Variants in TRDN observed in about 807,000 individuals in gnomAD.
The protein encoded by TRDN is triadin in skeletal muscle.
TRDN carries 161 observed loss-of-function variants against 149.7 expected under a neutral mutation model. That is an observed-to-expected ratio of 1.08 (90% CI 0.95 to 1.23). The LOEUF (loss-of-function observed/expected upper bound fraction) is 1.23. Among genes scored for constraint, TRDN ranks in the 50% most tolerant of loss-of-function variants. The pLI is 0.00. For synonymous variants in TRDN, 294 were observed against 250.5 expected (o/e 1.17, Z -1.64); for missense variants, 896 against 823.5 (o/e 1.09, Z -1.08).
At chr6:123,588,287 T>C (rs1783606665) in intron 1 of TRDN, among the ~76,000 whole-genome samples, 1 of 152,188 alleles carries the variant, frequency 6.6e-6, no homozygotes, top group African/African-American at 2.4e-5. Flanking sequence ...CATGATGCTA[T>C]ACTAGTCAAG....
intron 12 of TRDN, among the ~76,000 whole-genome samples, chr6:123,409,680 T>C (rs1401648013): frequency 7.9e-6 from 1 of 126,616 alleles, no homozygotes; most frequent in Admixed American, 9.2e-5. Context: ...TTAAAACAGA[T>C]AATGTAATTT....
At chr6:123,408,488 G>A (rs766951378) in intron 12 of TRDN, among the ~76,000 whole-genome samples, 5 of 151,968 alleles carry the variant, frequency 3.3e-5, no homozygotes, top group African/African-American at 4.8e-5. Flanking sequence ...GACCAGCCTG[G>A]TCAACATGGA....
intron 4 of TRDN, among the ~76,000 whole-genome samples, chr6:123,540,646 G>C (rs888689932): frequency 6.6e-6 from 1 of 152,158 alleles, no homozygotes; most frequent in Admixed American, 6.6e-5. Flanking sequence ...CAGCCTCCGA[G>C]TAGCTGGGAC....
chr6:123,508,034 G>A (rs1436032528), intron 7 of TRDN, among the ~76,000 whole-genome samples: 1 of 151,324 alleles, frequency 6.6e-6, no homozygotes, highest in Non-Finnish European at 1.5e-5. Flanking sequence ...TTCCTCTATG[G>A]AAGCTGTGGA....
chr6:123,582,801 A>C (rs937786576), intron 1 of TRDN, among the ~76,000 whole-genome samples: 1 of 151,724 alleles, frequency 6.6e-6, no homozygotes, highest in African/African-American at 2.4e-5. Flanking sequence ...GACAGCAAAA[A>C]TTTTGGGGGA....
chr6:123,385,010 T>C (rs1405022962), intron 14 of TRDN, among the ~76,000 whole-genome samples: 3 of 152,186 alleles, frequency 2.0e-5, no homozygotes, highest in Admixed American at 6.5e-5. Flanking sequence ...TTAAGAACAT[T>C]GAGGCTCCCA....
chr6:123,502,033 C>T (rs1778722435), intron 8 of TRDN: 2 of 983,680 alleles, frequency 2.0e-6, no homozygotes, highest in African/African-American at 3.5e-5. Flanking sequence ...AGTATTTTGA[C>T]ATTTCCAAAT....
At chr6:123,537,088 A>G in intron 4 of TRDN, among the ~76,000 whole-genome samples, 1 of 152,300 alleles carries the variant, frequency 6.6e-6, no homozygotes, top group Middle Eastern at 3.4e-3. Flanking sequence ...GATAAACTAT[A>G]AGTAAGTATA....
intron 10 of TRDN, among the ~76,000 whole-genome samples, chr6:123,452,426 T>A (rs7753755): frequency 0.15 from 22,923 of 151,854 alleles, 2,239 homozygotes; most frequent in African/African-American, 0.28. Context: ...AATGTACACA[T>A]ATCAGCAGTT....
At chr6:123,278,836 A>G (rs1413600422) in intron 25 of TRDN, among the ~76,000 whole-genome samples, 2 of 152,196 alleles carry the variant, frequency 1.3e-5, no homozygotes, top group African/African-American at 4.8e-5. Flanking sequence ...GTAAGGAAAG[A>G]TGCTTCCAGT....
At chr6:123,332,663 A>G (rs1779705960) in intron 22 of TRDN, among the ~76,000 whole-genome samples, 1 of 152,098 alleles carries the variant, frequency 6.6e-6, no homozygotes, top group South Asian at 2.1e-4. Flanking sequence ...CTGCAACATT[A>G]ATGCTCAATA....
intron 20 of TRDN, among the ~76,000 whole-genome samples, chr6:123,359,917 G>A: frequency 6.6e-6 from 1 of 151,982 alleles, no homozygotes; most frequent in East Asian, 1.9e-4. Flanking sequence ...GGATGGTCTC[G>A]ATCTCCTGAC....
At chr6:123,378,453 AGTGTGTGTGTGTGTGTGTGT>A (rs59816098) in intron 16 of TRDN, among the ~76,000 whole-genome samples, 15 of 136,286 alleles carry the variant, frequency 1.1e-4, no homozygotes, top group African/African-American at 1.7e-4. Flanking sequence ...CCAGATTTGT[AGTGTGTGTGTGTGTGTGTGT>A]GTGTGTGTGT....
chr6:123,539,665 A>T (rs1780727784), intron 4 of TRDN, among the ~76,000 whole-genome samples: 1 of 152,158 alleles, frequency 6.6e-6, no homozygotes, highest in Admixed American at 6.5e-5. Flanking sequence ...AGTTATTCCA[A>T]TGGCTTAGGT....
At chr6:123,248,752 C>T (rs759663834) in intron 38 of TRDN, among the ~76,000 whole-genome samples, 3 of 151,888 alleles carry the variant, frequency 2.0e-5, no homozygotes, top group Admixed American at 6.6e-5. Context: ...AAGAAAATTC[C>T]AGGACTGGAT....
chr6:123,579,537 G>A (rs755214979), intron 1 of TRDN, among the ~76,000 whole-genome samples: 1 of 152,096 alleles, frequency 6.6e-6, no homozygotes, highest in Non-Finnish European at 1.5e-5. Context: ...GACGGATTTG[G>A]TTTGCAAGAT....
At chr6:123,366,041 A>G in intron 20 of TRDN, 94 bp downstream of exon 20, 1 of 1,104,684 alleles carries the variant, frequency 9.1e-7, no homozygotes, top group Non-Finnish European at 1.3e-6. Context: ...ATCAATAAAT[A>G]GAGCTCTTTT....
chr6:123,516,343 G>T, intron 5 of TRDN, 137 bp from the exon 6 acceptor site: 1 of 1,076,832 alleles, frequency 9.3e-7, no homozygotes, highest in Non-Finnish European at 1.2e-6. Context: ...ATTTTATGTA[G>T]TTAGAGGTTT....
At chr6:123,629,045 C>T (rs2114734891) in intron 1 of TRDN, among the ~76,000 whole-genome samples, 1 of 152,126 alleles carries the variant, frequency 6.6e-6, no homozygotes, top group South Asian at 2.1e-4. Flanking sequence ...TACGCTTTTT[C>T]CCCTAGTCAA....
Sources: allele counts gnomAD v4.1 joint callset (sites outside exome capture counted in the v4.1 genomes callset), GRCh38; gene constraint gnomAD v4.1.1; transcripts MANE v1.5; gene names NCBI Gene and HGNC (gene_info 2026-07-23, HGNC 2026-07-21).